The following OTUD6B variants were observed in gnomAD, a reference collection of about 807,000 sequenced individuals.
The protein encoded by OTUD6B is deubiquitinase OTUD6B.
A neutral mutation model predicts 36.9 loss-of-function variants in OTUD6B; 41 were observed. The observed-to-expected ratio is 1.11, with a 90% CI of 0.87 to 1.44. The LOEUF is 1.44. OTUD6B is among the 40% of genes most tolerant of loss of function. OTUD6B has a pLI of 0.00. For missense variants in OTUD6B, 356 were observed against 344.8 expected, an observed-to-expected ratio of 1.03 and a Z score of -0.26; for synonymous variants, 114 against 114.2, an observed-to-expected ratio of 1.00 and a Z score of 0.01.
chr8:91,070,556 C>T, intron 1 of OTUD6B, 90 bp downstream of exon 1: 1 of 1,242,408 alleles, frequency 8.0e-7, no homozygotes. Context: ...CAAGGCGTGA[C>T]TTATCTGGAT....
intron 3 of OTUD6B, 146 bp downstream of exon 3, chr8:91,074,057 G>A (rs1296608143): frequency 1.9e-6 from 1 of 516,882 alleles, no homozygotes; most frequent in African/African-American, 1.9e-5. Flanking sequence ...CATTTATTAA[G>A]CACCTGCTGT....
intron 5 of OTUD6B, among the ~76,000 whole-genome samples, chr8:91,082,192 A>G (rs767161725): frequency 1.3e-5 from 2 of 152,146 alleles, no homozygotes; most frequent in African/African-American, 2.4e-5. Flanking sequence ...TATTTTAGGT[A>G]TAAGAAAAAT....
chr8:91,079,551 A>T (rs1278060790), intron 4 of OTUD6B, among the ~76,000 whole-genome samples: 1 of 152,134 alleles, frequency 6.6e-6, no homozygotes, highest in African/African-American at 2.4e-5. Flanking sequence ...TAGTGAATTA[A>T]TTTCCCATAG....
intron 5 of OTUD6B, among the ~76,000 whole-genome samples, chr8:91,083,180 A>G (rs575853526): frequency 1.7e-4 from 26 of 152,102 alleles, no homozygotes; most frequent in African/African-American, 6.0e-4. Flanking sequence ...TACATATTCT[A>G]CTCTTTGAAA....
intron 3 of OTUD6B, chr8:91,076,381 G>A (rs1812803271): frequency 1.2e-6 from 1 of 803,610 alleles, no homozygotes; most frequent in Non-Finnish European, 1.5e-6. Flanking sequence ...AAAGAATTCA[G>A]TGGATTTCTT....
Position 91,071,138 on chromosome 8 carries a change from C to A in OTUD6B, c.83C>A (p.Ala28Asp). The change falls in exon 2 of 7, where the codon GCC (alanine) becomes GAC (aspartate). Residue 28 changes from alanine (A) to aspartate (D), a missense_variant and splice_region_variant. By Grantham distance (126) the Ala-to-Asp change is moderately radical. Coordinates refer to ENST00000404789, the MANE Select transcript of OTUD6B (RefSeq NM_016023.5). ...RHRKEKKELQAKIQGMKNAVP... is the reference protein window; with the variant it reads ...RHRKEKKELQDKIQGMKNAVP... ...CTTAATGATTTTAATGGCTTTTCAG[C>A]CAAAATTCAGGGCATGAAGAATGCT... 1 of 1,611,628 alleles carries A rather than the reference C, an allele frequency of 6.2e-7. No individual in the cohort carries two copies. The highest frequency in any genetic ancestry group is 8.5e-7 in the Non-Finnish European group (1 of 1,179,302).
chr8:91,084,541 T>C (rs1377133521), intron 6 of OTUD6B: 2 of 159,304 alleles, frequency 1.3e-5, no homozygotes, highest in Admixed American at 1.3e-4. Flanking sequence ...TTTAAGCTGA[T>C]TGAACCTTCA....
intron 2 of OTUD6B, among the ~76,000 whole-genome samples, chr8:91,072,064 AATTTT>A (rs1225429720): frequency 6.6e-6 from 1 of 152,230 alleles, no homozygotes; most frequent in African/African-American, 2.4e-5. Flanking sequence ...TAATGAATGA[AATTTT>A]ACTGATGTTT....
chr8:91,076,462 A>G, intron 3 of OTUD6B: 2 of 1,449,298 alleles, frequency 1.4e-6, no homozygotes, highest in Non-Finnish European at 1.8e-6. Flanking sequence ...AAAAAAATGA[A>G]ATGATTAGAA....
Position 91,084,771 on chromosome 8 carries a change from T to A in OTUD6B, c.798-13T>A, listed in dbSNP as rs1263642192. ...CATCAAAACTACTCATTTCTTTTTT[T>A]TTTTAATTTCAGATATATGAGACAT... On this transcript the variant is annotated splice_polypyrimidine_tract_variant and intron_variant, in intron 6 of 6. Coordinates refer to ENST00000404789, the MANE Select transcript of OTUD6B (RefSeq NM_016023.5). 4 of 1,509,334 alleles carry A rather than the reference T, an allele frequency of 2.7e-6. No homozygotes were observed. In the African/African-American group the frequency reaches 5.7e-5, roughly 21 times the overall value. 93.5% of individuals were successfully genotyped at this position (1,509,334 alleles called of 1,614,324 possible). A position where few individuals can be genotyped will look rare whatever the true frequency, so the allele number is the denominator to read the frequency against.
chr8:91,078,710 G>A (rs1221238865), intron 4 of OTUD6B, 42 bp downstream of exon 4: 1 of 1,400,160 alleles, frequency 7.1e-7, no homozygotes, highest in African/African-American at 1.5e-5. Flanking sequence ...TTGCTTTGTT[G>A]TAGTTGTTTT....
chr8:91,071,035 C>A, intron 1 of OTUD6B, 103 bp from the exon 2 acceptor site: 39 of 1,455,658 alleles, frequency 2.7e-5, no homozygotes, highest in Admixed American at 1.1e-4. Flanking sequence ...TCCATAATTA[C>A]TTTTTCTGTA....
chr8:91,085,081 G>A lies in OTUD6B; in HGVS notation c.*213G>A. 6.8e-6 allele frequency: 2 copies of A among 293,520 alleles called. No homozygotes were observed. Among genetic ancestry groups the A allele is most frequent in the Non-Finnish European group, 1.3e-5 (2 of 157,906 alleles). The allele number at this position is 293,520 out of a possible 1,614,324, so 18.2% of individuals were successfully genotyped here. A position where few individuals can be genotyped will look rare whatever the true frequency, so the allele number is the denominator to read the frequency against. ...ATTTTAAAAATTTGTTAAGTTCATTGTAGAGAACACCATTCATAGACCAAG... is the reference window on the plus strand; with the variant it reads ...ATTTTAAAAATTTGTTAAGTTCATTATAGAGAACACCATTCATAGACCAAG... On this transcript the variant is annotated 3_prime_UTR_variant, in exon 7 of 7. Transcript: ENST00000404789.
intron 1 of OTUD6B, among the ~76,000 whole-genome samples, chr8:91,070,705 A>T (rs1375637568): frequency 6.6e-6 from 1 of 151,924 alleles, no homozygotes; most frequent in Non-Finnish European, 1.5e-5. Context: ...GCCGGGGTGC[A>T]GGTGTCTGAA....
At chr8:91,076,924 AG>A (rs903309178) in intron 3 of OTUD6B, among the ~76,000 whole-genome samples, 2 of 152,074 alleles carry the variant, frequency 1.3e-5, no homozygotes, top group Admixed American at 6.6e-5. Context: ...CTTTTGATTC[AG>A]GTAACTTAGA....
At chr8:91,083,781 C>G (rs9643319) in intron 5 of OTUD6B, 93,105 of 181,796 alleles carry the variant, frequency 0.51, 25,659 homozygotes, top group South Asian at 0.67. Flanking sequence ...CTGAAAAATT[C>G]AAAAACTAAA....
At chr8:91,080,471 G>T in intron 4 of OTUD6B, 198 bp from the exon 5 acceptor site, 1 of 660,138 alleles carries the variant, frequency 1.5e-6, no homozygotes, top group Non-Finnish European at 1.9e-6. Flanking sequence ...CTTTGTTCTT[G>T]GATGGAAATG....
Position 91,084,059 on chromosome 8 carries a change from G to C in OTUD6B, c.742G>C (p.Asp248His), listed in dbSNP as rs1227371412. 2 of 1,580,528 alleles carry C rather than the reference G, an allele frequency of 1.3e-6. No individual in the cohort carries two copies. Among genetic ancestry groups the C allele is most frequent in the African/African-American group, 2.7e-5 (2 of 74,232 alleles). Residue 248 changes from aspartate to histidine, a missense_variant, in exon 6 of 7, where the codon GAT becomes CAT. Transcript: ENST00000404789. ...AACACCAATAGAGATAATACAGGCA[G>C]ATTCTCCTCCCATTATAGTTGGTGA... ...LQTPIEIIQA[D>H]SPPIIVGEEY... is the part of the protein sequence containing the mutation.
At chr8:91,071,575 C>T (rs1812700620) in intron 2 of OTUD6B, among the ~76,000 whole-genome samples, 1 of 152,098 alleles carries the variant, frequency 6.6e-6, no homozygotes, top group Admixed American at 6.5e-5. Context: ...GTGTCGATCT[C>T]CTGACCTTGT....
Sources: allele counts gnomAD v4.1 joint callset (sites outside exome capture counted in the v4.1 genomes callset), GRCh38; gene constraint gnomAD v4.1.1; transcripts MANE v1.5; gene names NCBI Gene and HGNC (gene_info 2026-07-23, HGNC 2026-07-21).